ATP9A: variants seen among roughly 807,000 people sequenced by gnomAD.
ATP9A encodes ATPase phospholipid transporting 9A.
A neutral mutation model predicts 144.1 loss-of-function variants in ATP9A; 52 were observed. The observed-to-expected ratio is 0.36, with a 90% CI of 0.29 to 0.45. The LOEUF (loss-of-function observed/expected upper bound fraction) is 0.45. ATP9A is among the 20% of genes least tolerant of loss of function. The pLI is 1.00. For synonymous variants in ATP9A, 582 were observed against 557.4 expected (o/e 1.04, Z -0.62); for missense variants, 947 against 1,392.7 (o/e 0.68, Z 5.09).
At chr20:51,651,068 A>AAAGGAAGTTAAT (rs573358266) in intron 14 of ATP9A, among the ~76,000 whole-genome samples, 158 of 149,590 alleles carry the variant, frequency 1.1e-3, no homozygotes, top group African/African-American at 3.8e-3. Flanking sequence ...ATGACTTTCT[A>AAAGGAAGTTAAT]AAGGAAGTTA....
At chr20:51,699,333 CAAAAAAAAAAA>C (rs74175569) in intron 4 of ATP9A, among the ~76,000 whole-genome samples, 35 of 70,470 alleles carry the variant, frequency 5.0e-4, no homozygotes, top group Middle Eastern at 7.8e-3. Flanking sequence ...AACTCAATCT[CAAAAAAAAAAA>C]AAAAAAAAAA....
intron 14 of ATP9A, among the ~76,000 whole-genome samples, chr20:51,641,666 T>A (rs190135374): frequency 0.031 from 4,423 of 143,652 alleles, 93 homozygotes; most frequent in Middle Eastern, 0.048. Flanking sequence ...AAAATAAAAA[T>A]AAAAAAAATA....
chr20:51,744,170 G>T (rs931077702), intron 1 of ATP9A, among the ~76,000 whole-genome samples: 4 of 151,542 alleles, frequency 2.6e-5, no homozygotes, highest in African/African-American at 7.3e-5. Flanking sequence ...TTTATTTTTT[G>T]TTTGTTTGTT....
intron 9 of ATP9A, among the ~76,000 whole-genome samples, chr20:51,682,010 C>T (rs942849719): frequency 1.3e-4 from 19 of 151,886 alleles, no homozygotes; most frequent in Admixed American, 9.9e-4. Context: ...GGAGCTTCTT[C>T]GGGGGTGGAC....
At chr20:51,631,957 T>G (rs2077271702) in intron 15 of ATP9A, among the ~76,000 whole-genome samples, 1 of 152,268 alleles carries the variant, frequency 6.6e-6, no homozygotes, top group Non-Finnish European at 1.5e-5. Flanking sequence ...CATCTTGCAC[T>G]GTGCGTGCAC....
intron 1 of ATP9A, among the ~76,000 whole-genome samples, chr20:51,736,635 G>A (rs947846360): frequency 1.1e-4 from 16 of 151,954 alleles, no homozygotes; most frequent in South Asian, 2.1e-4. Context: ...GATTACAGGC[G>A]GGAGCCACCG....
intron 1 of ATP9A, among the ~76,000 whole-genome samples, chr20:51,741,049 A>G (rs1157341485): frequency 6.6e-6 from 1 of 151,762 alleles, no homozygotes; most frequent in Non-Finnish European, 1.5e-5. Context: ...TTAATTAAAA[A>G]TAAATTTTAA....
intron 13 of ATP9A, among the ~76,000 whole-genome samples, chr20:51,657,819 G>C (rs140869796): frequency 1.7e-3 from 266 of 152,340 alleles, no homozygotes; most frequent in Non-Finnish European, 3.1e-3. Flanking sequence ...GGCCGGATGG[G>C]ACTCACTGCA....
chr20:51,731,106 T>A (rs994335326), intron 1 of ATP9A, among the ~76,000 whole-genome samples: 1 of 149,204 alleles, frequency 6.7e-6, no homozygotes, highest in Admixed American at 6.7e-5. Context: ...GAGTTCGAGA[T>A]CAGCCTGACC....
At chr20:51,617,634 C>CT in intron 21 of ATP9A, 80 bp from the exon 22 acceptor site, 1 of 1,512,306 alleles carries the variant, frequency 6.6e-7, no homozygotes, top group Non-Finnish European at 9.0e-7. Context: ...TTACCGCACT[C>CT]TCGTCTTTCA....
rs202234663 is a variant in ATP9A, at chr20:51,675,526, T to C, written c.876+606A>G. Reference sequence around the variant, plus strand: ...GGGCTGTTATGAAGATGAAATGAGATGCACGTGAAGGGTGAAACACAAGGC... The same window carrying C: ...GGGCTGTTATGAAGATGAAATGAGACGCACGTGAAGGGTGAAACACAAGGC... On this transcript the variant is annotated intron_variant, in intron 10 of 27. Transcript: ENST00000338821. Among the ~76,000 whole-genome samples, 4 of 152,244 alleles carry C rather than the reference T, an allele frequency of 2.6e-5. No individual in the cohort carries two copies. The East Asian group carries it at 7.7e-4, about 29-fold the overall frequency.
rs1320008350 is a variant in ATP9A at position 51,613,674 on chromosome 20, C to T, written c.2571+3G>A. 2.5e-6 allele frequency: 4 copies of T among 1,612,924 alleles called. No individual in the cohort carries two copies. Among genetic ancestry groups the T allele is most frequent in the Non-Finnish European group, 3.4e-6 (4 of 1,179,458 alleles). ...TGTGCAGAGGGGCCAGCTGTCCACTCACCTGCATGGTGCTGATACAGAGGC... is the reference window on the plus strand; with the variant it reads ...TGTGCAGAGGGGCCAGCTGTCCACTTACCTGCATGGTGCTGATACAGAGGC... On this transcript the variant is annotated splice_donor_region_variant and intron_variant, in intron 23 of 27. Coordinates refer to ENST00000338821, the MANE Select transcript of ATP9A (RefSeq NM_006045.3).
At position 51,621,147 on chromosome 20, in the gene ATP9A, CA is replaced by C. The variant is rs377707016; in HGVS notation, c.2115+926del. Among the ~76,000 whole-genome samples the C allele has an allele frequency of 3.6e-3, 368 of 102,504 alleles. 1 individual carries two copies. The highest frequency in any genetic ancestry group is 6.5e-3 in the African/African-American group (173 of 26,760). The allele number at this position is 102,504 out of a possible 152,430, so 67.2% of individuals were successfully genotyped here. A position where few individuals can be genotyped will look rare whatever the true frequency, so the allele number is the denominator to read the frequency against. On this transcript the variant is annotated intron_variant, in intron 19 of 27. Coordinates refer to ENST00000338821, the MANE Select transcript of ATP9A (RefSeq NM_006045.3). ...GGGTGATAAGAGCAAGGCCCCATCT[CA>C]AAAAAAAAAAAAAAAGGAGAGATTT...
At chr20:51,718,618 G>A (rs2077673213) in intron 3 of ATP9A, among the ~76,000 whole-genome samples, 4 of 151,250 alleles carry the variant, frequency 2.6e-5, no homozygotes, top group Admixed American at 1.3e-4. Context: ...AGGAGTTCGA[G>A]ACCAGCCTGG....
intron 1 of ATP9A, among the ~76,000 whole-genome samples, chr20:51,767,505 G>A (rs2077910347): frequency 6.6e-6 from 1 of 151,992 alleles, no homozygotes; most frequent in Admixed American, 6.6e-5. Context: ...CAGGAAGACG[G>A]CGAGGCGCAA....
intron 1 of ATP9A, among the ~76,000 whole-genome samples, chr20:51,763,370 T>C (rs1047785724): frequency 1.3e-5 from 2 of 151,098 alleles, no homozygotes; most frequent in African/African-American, 2.4e-5. Flanking sequence ...TACAGTGCAG[T>C]GGCGCGATCT....
In ATP9A at chr20:51,598,246, CT is replaced by C. The variant is rs1240864171; in HGVS notation, c.*2964del. 6 of 152,216 alleles carry C rather than the reference CT, an allele frequency of 3.9e-5. No individual in the cohort carries two copies. The highest frequency in any genetic ancestry group is 2.1e-4 in the South Asian group (1 of 4,810). The allele number at this position is 152,216 out of a possible 1,614,324, so 9.4% of individuals were successfully genotyped here. The stretch of plus-strand genomic sequence containing the variant: ...GAAACCAAATAGATCCTGCTTCCCC[CT>C]GTCACACAACCATCATCAAAAGACA... On this transcript the variant is annotated 3_prime_UTR_variant, in exon 28 of 28. Coordinates refer to ENST00000338821, the MANE Select transcript of ATP9A (RefSeq NM_006045.3).
At chr20:51,767,631 C>A (rs1367766532) in intron 1 of ATP9A, among the ~76,000 whole-genome samples, 1 of 152,206 alleles carries the variant, frequency 6.6e-6, no homozygotes, top group Non-Finnish European at 1.5e-5. Context: ...GCCCCTGTCC[C>A]AGCCGTGGGA....
intron 2 of ATP9A, among the ~76,000 whole-genome samples, chr20:51,728,479 T>C (rs1002417644): frequency 1.1e-4 from 16 of 151,830 alleles, no homozygotes; most frequent in Admixed American, 3.3e-4. Flanking sequence ...ATACAAAAAA[T>C]TAGCCGGGCG....
Sources: gnomAD v4.1 joint callset for allele counts (sites outside exome capture counted in the v4.1 genomes callset) on GRCh38, gnomAD v4.1.1 for gene constraint, MANE v1.5 for transcripts, NCBI Gene and HGNC (gene_info 2026-07-23, HGNC 2026-07-21) for gene names.